Variants in RASL11B observed in about 807,000 individuals in gnomAD.
RASL11B encodes ras-like protein family member 11B.
In RASL11B, 14 loss-of-function variants were observed where a neutral mutation model predicts 22.9. The observed-to-expected ratio is 0.61, with a 90% CI of 0.40 to 0.96. RASL11B has a LOEUF of 0.96. RASL11B is among the 40% of genes least tolerant of loss of function. The pLI, the probability that RASL11B is intolerant of heterozygous loss-of-function variation, is 0.00. For missense variants in RASL11B, 261 were observed against 322.0 expected (o/e 0.81, Z 1.45); for synonymous variants, 143 against 130.2 (o/e 1.10, Z -0.67).
Position 52,863,341 on chromosome 4 carries a change from G to A in RASL11B, c.199+17G>A. On this transcript the variant is annotated intron_variant, in intron 2 of 3. Transcript: ENST00000248706. Reference sequence around the variant, plus strand: ...GAAATGCAGGTGAGACAATGCATTTGAGAAAAATTCTGTCCCATTGCAGGA... The same window carrying A: ...GAAATGCAGGTGAGACAATGCATTTAAGAAAAATTCTGTCCCATTGCAGGA... 6.2e-7 allele frequency: 1 copy of A among 1,608,732 alleles called. No homozygotes were observed. The highest frequency in any genetic ancestry group is 8.5e-7 in the Non-Finnish European group (1 of 1,175,964).
At chr4:52,862,683 T>C (rs779091203) in intron 1 of RASL11B, 34 bp downstream of exon 1, 41 of 1,515,516 alleles carry the variant, frequency 2.7e-5, no homozygotes, top group Non-Finnish European at 3.6e-5. Context: ...GGTCTGGTCT[T>C]GGACGACCCC....
At chr4:52,864,607 C>G in intron 3 of RASL11B, 53 bp downstream of exon 3, 1 of 1,182,886 alleles carries the variant, frequency 8.5e-7, no homozygotes, top group Non-Finnish European at 1.3e-6. Flanking sequence ...GCTGTGGAAT[C>G]ACTCACTTCT....
At chr4:52,863,494 A>G (rs928729383) in intron 2 of RASL11B, 170 bp downstream of exon 2, 15 of 633,040 alleles carry the variant, frequency 2.4e-5, no homozygotes, top group African/African-American at 9.1e-5. Context: ...TCCCATAACT[A>G]CCATCTGGCC....
At chr4:52,865,206 G>A in intron 3 of RASL11B, 129 bp from the exon 4 acceptor site, 1 of 647,914 alleles carries the variant, frequency 1.5e-6, no homozygotes, top group Non-Finnish European at 2.7e-6. Flanking sequence ...AAGTGTGTGG[G>A]ATATAAGTTG....
intron 2 of RASL11B, 93 bp from the exon 3 acceptor site, chr4:52,864,385 T>C (rs965584901): frequency 1.7e-5 from 13 of 768,878 alleles, no homozygotes; most frequent in Admixed American, 1.4e-4. Context: ...TGTGCATTTA[T>C]GCATTGTGCA....
chr4:52,863,664 G>A, intron 2 of RASL11B: 1 of 254,638 alleles, frequency 3.9e-6, no homozygotes. Flanking sequence ...AAAAAAAGGA[G>A]TCCCTAGCTC....
At chr4:52,864,447 A>G (rs1467383973) in intron 2 of RASL11B, 31 bp from the exon 3 acceptor site, 2 of 1,349,326 alleles carry the variant, frequency 1.5e-6, no homozygotes, top group South Asian at 1.2e-5. Flanking sequence ...ACAAGAAGGA[A>G]GAACATAATC....
intron 1 of RASL11B, among the ~76,000 whole-genome samples, chr4:52,863,027 G>C (rs1413375206): frequency 2.6e-5 from 4 of 152,172 alleles, no homozygotes; most frequent in African/African-American, 9.7e-5. Flanking sequence ...TGGCTCAGCC[G>C]GGCTCAGAGG....
chr4:52,863,170 G>T (rs1718193997), intron 1 of RASL11B, 98 bp from the exon 2 acceptor site: 2 of 1,059,754 alleles, frequency 1.9e-6, no homozygotes, highest in Admixed American at 3.9e-5. Context: ...GCCATCTATG[G>T]CTTTCTTTGG....
Position 52,862,360 on chromosome 4 carries a change from G to GCCC in RASL11B, c.-146_-144dup. 1.5e-6 allele frequency: 1 copy of GCCC among 688,876 alleles called. No individual in the cohort carries two copies. The highest frequency in any genetic ancestry group is 2.3e-5 in the South Asian group (1 of 43,338). The allele number at this position is 688,876 out of a possible 1,614,324, so 42.7% of individuals were successfully genotyped here. A position where few individuals can be genotyped will look rare whatever the true frequency, so the allele number is the denominator to read the frequency against. On this transcript the variant is annotated 5_prime_UTR_variant, in exon 1 of 4. Coordinates refer to ENST00000248706, the MANE Select transcript of RASL11B (RefSeq NM_023940.3). The stretch of plus-strand genomic sequence containing the variant: ...GAGCCCTGCGGAACCTCGGCGCTCG[G>GCCC]CCCCACCCCGCCCGTACCTGCACTT...
chr4:52,862,708 G>T, intron 1 of RASL11B, 59 bp downstream of exon 1: 2 of 1,473,854 alleles, frequency 1.4e-6, no homozygotes, highest in Non-Finnish European at 1.8e-6. Context: ...GGGAGTTGAG[G>T]CTGAACAAGG....
rs1043975 is a variant in RASL11B, at chr4:52,866,444, T to G, written c.*639T>G. 0.12 allele frequency: 18,599 copies of G among 152,698 alleles called. 1,401 individuals carry two copies. The highest frequency in any genetic ancestry group is 0.25 in the East Asian group (1,318 of 5,190). The allele number at this position is 152,698 out of a possible 1,614,324, so 9.5% of individuals were successfully genotyped here. ...TTGTATACCAGACATTGGTAAGCTCTCATGGTTTACAGGAAGGCTCTGGTT... is the reference window on the plus strand; with the variant it reads ...TTGTATACCAGACATTGGTAAGCTCGCATGGTTTACAGGAAGGCTCTGGTT... On this transcript the variant is annotated 3_prime_UTR_variant, in exon 4 of 4. Transcript: ENST00000248706.
At chr4:52,864,664 C>A in intron 3 of RASL11B, 110 bp downstream of exon 3, 1 of 769,380 alleles carries the variant, frequency 1.3e-6, no homozygotes, top group South Asian at 1.5e-5. Flanking sequence ...TGGGGAGTCA[C>A]ATCTAGACTT....
At position 52,863,319 on chromosome 4, in the gene RASL11B, A is replaced by G. The variant is rs1718197594; in HGVS notation, c.194A>G (p.Asn65Ser). 6.2e-7 allele frequency: 1 copy of G among 1,613,458 alleles called. No individual in the cohort carries two copies. The highest frequency in any genetic ancestry group is 8.5e-7 in the Non-Finnish European group (1 of 1,179,606). ...TKRFIGDYER[N>S]AGNLYTRQVQ... is the part of the protein sequence containing the mutation. ...CGATTCATCGGTGACTATGAAAGAA[A>G]TGCAGGTGAGACAATGCATTTGAGA... Residue 65 changes from asparagine (N) to serine (S), a missense_variant, in exon 2 of 4, where the codon AAT (asparagine) becomes AGT (serine). By Grantham distance (46) the Asn-to-Ser change is conservative. Transcript: ENST00000248706.
intron 1 of RASL11B, among the ~76,000 whole-genome samples, chr4:52,863,042 G>A (rs796852162): frequency 2.0e-4 from 30 of 152,278 alleles, no homozygotes; most frequent in African/African-American, 6.0e-4. Context: ...CAGAGGAGGG[G>A]GTGGGCCCAG....
rs775522886 is a variant in RASL11B, at chr4:52,862,472, C to G, written c.-36C>G. 1.8e-5 allele frequency: 29 copies of G among 1,596,612 alleles called. No individual in the cohort carries two copies. The African/African-American group carries it at 3.6e-4, about 20-fold the overall frequency. On this transcript the variant is annotated 5_prime_UTR_variant, in exon 1 of 4. Transcript: ENST00000248706. ...GCAGCGCTAGCATTCTCCAGTCCCT[C>G]AGTCCCTTCCCGCGCGGTGCGCCGC...
rs780844873 is a variant in RASL11B at position 52,866,189 on chromosome 4, A to G, written c.*384A>G. Reference sequence around the variant, plus strand: ...ATGAAAGAACAGATTAAGCATTGATAGGCTTTCTTTTTTCCCCCTTTTTTC... The same window carrying G: ...ATGAAAGAACAGATTAAGCATTGATGGGCTTTCTTTTTTCCCCCTTTTTTC... On this transcript the variant is annotated 3_prime_UTR_variant, in exon 4 of 4. Transcript: ENST00000248706. 1.6e-5 allele frequency: 3 copies of G among 184,866 alleles called. No individual in the cohort carries two copies. Among genetic ancestry groups the G allele is most frequent in the Admixed American group, 5.6e-5 (1 of 17,716 alleles). The allele number at this position is 184,866 out of a possible 1,614,324, so 11.5% of individuals were successfully genotyped here.
At position 52,866,043 on chromosome 4, in the gene RASL11B, CTG is replaced by C. The variant is rs371432979; in HGVS notation, c.*242_*243del. 2.6e-3 allele frequency: 1,412 copies of C among 544,558 alleles called. 16 individuals carry two copies. Among genetic ancestry groups the C allele is most frequent in the African/African-American group, 0.024 (1,272 of 53,174 alleles). The allele number at this position is 544,558 out of a possible 1,614,324, so 33.7% of individuals were successfully genotyped here. A position where few individuals can be genotyped will look rare whatever the true frequency, so the allele number is the denominator to read the frequency against. ...ACTCTCTGAATATGTGAAATGTACT[CTG>C]TGTCTTTTCCTTTAGAGTGGGGAGG... On this transcript the variant is annotated 3_prime_UTR_variant, in exon 4 of 4. Transcript: ENST00000248706.
At position 52,863,329 on chromosome 4, in the gene RASL11B, G is replaced by A. The variant is rs775489578; in HGVS notation, c.199+5G>A. On this transcript the variant is annotated splice_donor_5th_base_variant and intron_variant, in intron 2 of 3. Coordinates refer to ENST00000248706, the MANE Select transcript of RASL11B (RefSeq NM_023940.3). ...GTGACTATGAAAGAAATGCAGGTGA[G>A]ACAATGCATTTGAGAAAAATTCTGT... The A allele has an allele frequency of 5.4e-5, 87 of 1,611,632 alleles. No homozygotes were observed. The highest frequency in any genetic ancestry group is 7.3e-5 in the Non-Finnish European group (86 of 1,178,252).
Sources: allele counts gnomAD v4.1 joint callset (sites outside exome capture counted in the v4.1 genomes callset), GRCh38; gene constraint gnomAD v4.1.1; transcripts MANE v1.5; gene names NCBI Gene and HGNC (gene_info 2026-07-23, HGNC 2026-07-21).